Variants in GLIS3 observed in about 807,000 individuals in gnomAD.
GLIS3 encodes the protein GLIS family zinc finger 3, also known as zinc finger protein GLIS3.
A neutral mutation model predicts 78.6 loss-of-function variants in GLIS3; 53 were observed. The ratio of observed to expected loss-of-function variants is 0.67; its 90% confidence interval spans 0.54 to 0.85. The LOEUF (loss-of-function observed/expected upper bound fraction) is 0.85. Among genes scored for constraint, GLIS3 ranks in the 40% least tolerant of loss-of-function variants. The pLI is 0.00. For synonymous variants in GLIS3, 684 were observed against 509.9 expected (o/e 1.34, Z -4.60); for missense variants, 1,703 against 1,231.1 (o/e 1.38, Z -5.74).
chr9:4,001,122 C>T (rs139762596), intron 4 of GLIS3, among the ~76,000 whole-genome samples: 1 of 152,324 alleles, frequency 6.6e-6, no homozygotes, highest in Non-Finnish European at 1.5e-5. Context: ...CCTCAAACAG[C>T]TTGCAATCTA....
chr9:4,406,425 A>C, the GLIS3 span, among the ~76,000 whole-genome samples: 1 of 152,146 alleles, frequency 6.6e-6, no homozygotes, highest in South Asian at 2.1e-4. Context: ...GGTTCCAGCG[A>C]TTCTCCTGCC....
intron 2 of GLIS3, among the ~76,000 whole-genome samples, chr9:4,318,308 C>G (rs1176732599): frequency 6.6e-6 from 1 of 152,132 alleles, no homozygotes; most frequent in African/African-American, 2.4e-5. Flanking sequence ...TCACTGAAAG[C>G]ACCTAGAATC....
At chr9:3,962,947 G>A (rs111552890) in intron 4 of GLIS3, among the ~76,000 whole-genome samples, 10,688 of 56,676 alleles carry the variant, frequency 0.19, 448 homozygotes, top group Middle Eastern at 0.34. Flanking sequence ...TGTGATTTAA[G>A]GGGGGGGGGG....
intron 9 of GLIS3, among the ~76,000 whole-genome samples, chr9:3,848,614 G>C (rs1819212766): frequency 6.6e-6 from 1 of 152,210 alleles, no homozygotes; most frequent in Admixed American, 6.5e-5. Context: ...TTGCTGGAAA[G>C]TACCATTGCA....
intron 2 of GLIS3, among the ~76,000 whole-genome samples, chr9:4,191,621 C>T (rs764432519): frequency 3.3e-5 from 5 of 152,048 alleles, no homozygotes; most frequent in Admixed American, 6.5e-5. Context: ...TTTGTTTTTC[C>T]AACCCTTTTC....
intron 9 of GLIS3, among the ~76,000 whole-genome samples, chr9:3,831,494 G>T (rs553509351): frequency 7.2e-5 from 11 of 152,308 alleles, no homozygotes; most frequent in African/African-American, 2.2e-4. Context: ...GAATGAAGAA[G>T]GCATTTCTAT....
At chr9:4,155,404 T>C (rs1265496251) in intron 2 of GLIS3, among the ~76,000 whole-genome samples, 2 of 152,246 alleles carry the variant, frequency 1.3e-5, no homozygotes, top group Non-Finnish European at 2.9e-5. Context: ...CCCAAGCTCG[T>C]GACCTGGCCG....
At chr9:4,127,632 T>A (rs1425992739) in intron 2 of GLIS3, among the ~76,000 whole-genome samples, 1 of 152,098 alleles carries the variant, frequency 6.6e-6, no homozygotes, top group Non-Finnish European at 1.5e-5. Context: ...ATTCCCTTTT[T>A]ACCTTGAAAA....
At chr9:4,041,437 T>C (rs990087177) in intron 4 of GLIS3, among the ~76,000 whole-genome samples, 4 of 152,178 alleles carry the variant, frequency 2.6e-5, no homozygotes, top group African/African-American at 9.7e-5. Context: ...GTTTTAGTTT[T>C]TGCACCTTAG....
chr9:4,201,310 C>G (rs146930572), intron 2 of GLIS3, among the ~76,000 whole-genome samples: 1 of 152,212 alleles, frequency 6.6e-6, no homozygotes, highest in East Asian at 1.9e-4. Flanking sequence ...CTTAATCCAA[C>G]ATAGTACTGG....
chr9:4,010,571 C>T (rs1821921661), intron 4 of GLIS3, among the ~76,000 whole-genome samples: 1 of 152,102 alleles, frequency 6.6e-6, no homozygotes, highest in South Asian at 2.1e-4. Context: ...GCAGGCAGGA[C>T]CGTGTGAAAG....
chr9:4,236,913 A>T (rs1005288043), intron 2 of GLIS3, among the ~76,000 whole-genome samples: 3 of 152,180 alleles, frequency 2.0e-5, no homozygotes, highest in Admixed American at 2.0e-4. Context: ...ATTCATTAAA[A>T]ATATTTTTTT....
At chr9:4,455,725 T>A in the GLIS3 span, among the ~76,000 whole-genome samples, 1 of 152,214 alleles carries the variant, frequency 6.6e-6, no homozygotes, top group Non-Finnish European at 1.5e-5. Flanking sequence ...CTGAAAGGCA[T>A]ACTGTGGGGA....
the GLIS3 span, among the ~76,000 whole-genome samples, chr9:4,425,829 T>G: frequency 6.6e-6 from 1 of 152,176 alleles, no homozygotes; most frequent in African/African-American, 2.4e-5. Flanking sequence ...CGGTGGTATT[T>G]CCCTGGGAAG....
At chr9:4,030,814 T>C (rs531467867) in intron 4 of GLIS3, among the ~76,000 whole-genome samples, 2 of 152,352 alleles carry the variant, frequency 1.3e-5, no homozygotes, top group Admixed American at 6.5e-5. Flanking sequence ...TGCTGACTTA[T>C]CTGCTTTTCA....
chr9:4,386,154 A>C, the GLIS3 span, among the ~76,000 whole-genome samples: 1 of 152,166 alleles, frequency 6.6e-6, no homozygotes, highest in Non-Finnish European at 1.5e-5. Context: ...GGAGAAAAAC[A>C]AGAGAGAGAG....
chr9:4,189,055 C>T (rs1818076668), intron 2 of GLIS3, among the ~76,000 whole-genome samples: 1 of 151,784 alleles, frequency 6.6e-6, no homozygotes, highest in Admixed American at 6.6e-5. Context: ...GATGTGTTTG[C>T]TCTTGCTTTT....
the GLIS3 span, among the ~76,000 whole-genome samples, chr9:4,388,300 G>A: frequency 6.6e-6 from 1 of 152,048 alleles, no homozygotes; most frequent in Non-Finnish European, 1.5e-5. Context: ...TGTGAACTCG[G>A]GAAAAGCTGT....
At chr9:4,461,371 C>G in the GLIS3 span, among the ~76,000 whole-genome samples, 3 of 151,786 alleles carry the variant, frequency 2.0e-5, no homozygotes, top group South Asian at 2.1e-4. Flanking sequence ...CTTAAAGAAC[C>G]AATTCTTCTC....
Sources: gnomAD v4.1 joint callset for allele counts (sites outside exome capture counted in the v4.1 genomes callset) on GRCh38, gnomAD v4.1.1 for gene constraint, MANE v1.5 for transcripts, NCBI Gene and HGNC (gene_info 2026-07-23, HGNC 2026-07-21) for gene names.